Variants in RAB3IP observed in about 807,000 individuals in gnomAD.
RAB3IP encodes RAB3A interacting protein, also known as rab-3A-interacting protein.
A neutral mutation model predicts 59.1 loss-of-function variants in RAB3IP; 36 were observed. The ratio of observed to expected loss-of-function variants is 0.61; its 90% CI spans 0.47 to 0.80. RAB3IP has a LOEUF of 0.80. Ranked by LOEUF, RAB3IP falls within the 30% of genes least tolerant of loss-of-function variation. RAB3IP has a pLI of 0.00. For missense variants in RAB3IP, 511 were observed against 536.0 expected, an observed-to-expected ratio of 0.95 and a Z score of 0.46; for synonymous variants, 207 against 191.2, an observed-to-expected ratio of 1.08 and a Z score of -0.68.
chr12:69,739,323 T>A (rs1271062272), intron 1 of RAB3IP: 1 of 152,024 alleles, frequency 6.6e-6, no homozygotes, highest in Non-Finnish European at 1.5e-5. Context: ...GGGCGGCGGC[T>A]CCTCCCCCGG....
At chr12:69,806,465 T>G (rs1188901530) in intron 8 of RAB3IP, among the ~76,000 whole-genome samples, 1 of 152,108 alleles carries the variant, frequency 6.6e-6, no homozygotes, top group Non-Finnish European at 1.5e-5. Context: ...ATTCATTGAT[T>G]TTTTTGAAGG....
upstream of RAB3IP, chr12:69,738,837 C>G (rs1278020328): frequency 2.0e-5 from 3 of 152,214 alleles, no homozygotes; most frequent in Non-Finnish European, 2.9e-5. Context: ...TCCCGGCTCC[C>G]GGCCCCCGGC....
At chr12:69,804,312 T>G (rs1878883994) in intron 8 of RAB3IP, among the ~76,000 whole-genome samples, 1 of 152,268 alleles carries the variant, frequency 6.6e-6, no homozygotes, top group Non-Finnish European at 1.5e-5. Context: ...GACAAATGTC[T>G]GTTCATATCC....
intron 3 of RAB3IP, among the ~76,000 whole-genome samples, chr12:69,779,744 A>G (rs1016913915): frequency 6.9e-6 from 1 of 144,454 alleles, no homozygotes; most frequent in East Asian, 2.0e-4. Context: ...TGAATTGTTT[A>G]TCTGTATTTT....
At position 69,819,114 on chromosome 12, in the gene RAB3IP, A is replaced by G. The variant is rs767549646; in HGVS notation, c.*3668A>G. 2.0e-5 allele frequency: 3 copies of G among 152,348 alleles called. No homozygotes were observed. Among genetic ancestry groups the G allele is most frequent in the South Asian group, 4.1e-4 (2 of 4,828 alleles). The allele number at this position is 152,348 out of a possible 1,614,324, so 9.4% of individuals were successfully genotyped here. On this transcript the variant is annotated 3_prime_UTR_variant, in exon 11 of 11. Coordinates refer to ENST00000247833, the MANE Select transcript of RAB3IP (RefSeq NM_022456.5). ...ATTCAAAAACAAAATAAATGCATGGACAAATGAATAAGAGAGTTATGCATG... is the reference window on the plus strand; with the variant it reads ...ATTCAAAAACAAAATAAATGCATGGGCAAATGAATAAGAGAGTTATGCATG...
intron 5 of RAB3IP, 147 bp downstream of exon 5, chr12:69,794,661 CTATGTAGGTATAATTA>C: frequency 1.7e-6 from 1 of 599,732 alleles, no homozygotes; most frequent in Non-Finnish European, 2.9e-6. Context: ...AAAATAGCTA[CTATGTAGGTATAATTA>C]ATAGTAAACA....
chr12:69,762,166 A>G (rs972401836), intron 3 of RAB3IP, among the ~76,000 whole-genome samples: 2 of 152,172 alleles, frequency 1.3e-5, no homozygotes, highest in Non-Finnish European at 2.9e-5. Context: ...AGGGGGACCA[A>G]TCATGTGGTC....
At chr12:69,803,593 C>A (rs1319654501) in intron 8 of RAB3IP, among the ~76,000 whole-genome samples, 1 of 151,830 alleles carries the variant, frequency 6.6e-6, no homozygotes, top group Middle Eastern at 3.2e-3. Flanking sequence ...GTGTGCTGCA[C>A]CCATTAACTC....
At position 69,762,228 on chromosome 12, in the gene RAB3IP, G is replaced by C. The variant is rs116493868; in HGVS notation, c.510+5565G>C. The stretch of plus-strand genomic sequence containing the variant: ...GAGATTATGATGTAGTCATTTAGCT[G>C]TTTGGCCTTCCATAGGATATTTCTG... On this transcript the variant is annotated intron_variant, in intron 3 of 10. Transcript: ENST00000247833. 4.7e-3 allele frequency among the ~76,000 whole-genome samples: 712 copies of C among 152,242 alleles called. 7 individuals are homozygous for C. Among genetic ancestry groups the C allele is most frequent in the African/African-American group, 0.016 (676 of 41,540 alleles).
At chr12:69,750,687 C>T (rs1869125807) in intron 1 of RAB3IP, among the ~76,000 whole-genome samples, 1 of 150,386 alleles carries the variant, frequency 6.6e-6, no homozygotes, top group African/African-American at 2.4e-5. Flanking sequence ...TTACTATAAA[C>T]TGATGACCAT....
chr12:69,741,930 CATT>C (rs1487191489), intron 1 of RAB3IP, among the ~76,000 whole-genome samples: 1 of 152,180 alleles, frequency 6.6e-6, no homozygotes, highest in Non-Finnish European at 1.5e-5. Context: ...ATGTAATTCT[CATT>C]GTGTCACCAG....
At chr12:69,740,586 C>A (rs760817377) in intron 1 of RAB3IP, among the ~76,000 whole-genome samples, 5 of 152,160 alleles carry the variant, frequency 3.3e-5, no homozygotes, top group Non-Finnish European at 7.4e-5. Flanking sequence ...GTACTGAATA[C>A]TTGTAATCTT....
chr12:69,740,549 C>T (rs1400138368), intron 1 of RAB3IP, among the ~76,000 whole-genome samples: 1 of 152,206 alleles, frequency 6.6e-6, no homozygotes, highest in African/African-American at 2.4e-5. Flanking sequence ...ACTCTTCCTT[C>T]TGTGTTTGGT....
intron 2 of RAB3IP, 43 bp downstream of exon 2, chr12:69,755,702 G>T: frequency 6.6e-7 from 1 of 1,511,454 alleles, no homozygotes; most frequent in Non-Finnish European, 9.1e-7. Flanking sequence ...TTTTAAAATG[G>T]ACAGTTTGCT....
chr12:69,759,489 A>AT (rs996529270), intron 3 of RAB3IP, among the ~76,000 whole-genome samples: 2 of 151,874 alleles, frequency 1.3e-5, no homozygotes, highest in African/African-American at 4.8e-5. Flanking sequence ...GTTCTCAATG[A>AT]GCTGTTGGGT....
intron 8 of RAB3IP, among the ~76,000 whole-genome samples, chr12:69,803,699 C>T (rs1391347720): frequency 6.6e-6 from 1 of 151,982 alleles, no homozygotes; most frequent in Non-Finnish European, 1.5e-5. Context: ...TTCCTGTGTC[C>T]ATATGTTCTC....
intron 1 of RAB3IP, among the ~76,000 whole-genome samples, chr12:69,740,058 G>A (rs1414645889): frequency 2.0e-5 from 3 of 152,144 alleles, no homozygotes; most frequent in South Asian, 2.1e-4. Flanking sequence ...TGCATAATTG[G>A]AGGAGGGGCC....
chr12:69,813,778 A>G (rs112046653), intron 10 of RAB3IP, among the ~76,000 whole-genome samples: 181 of 151,990 alleles, frequency 1.2e-3, no homozygotes, highest in African/African-American at 4.1e-3. Flanking sequence ...TTCCCTGTTT[A>G]TATTTTTTAG....
At chr12:69,810,621 C>G (rs11177875) in intron 8 of RAB3IP, among the ~76,000 whole-genome samples, 32,353 of 140,134 alleles carry the variant, frequency 0.23, 4,086 homozygotes, top group Middle Eastern at 0.38. Flanking sequence ...AAAGTGCGTT[C>G]AAAGGATGGT....
Sources: gnomAD v4.1 joint callset for allele counts (sites outside exome capture counted in the v4.1 genomes callset) on GRCh38, gnomAD v4.1.1 for gene constraint, MANE v1.5 for transcripts, NCBI Gene and HGNC (gene_info 2026-07-23, HGNC 2026-07-21) for gene names.